Variants in SLC7A14 observed in about 807,000 individuals in gnomAD.
The protein encoded by SLC7A14 is gamma-aminobutyric acid transporter SLC7A14.
Under a neutral mutation model 60.2 loss-of-function variants are expected in SLC7A14, and 37 were observed. The observed-to-expected ratio is 0.61, with a 90% CI of 0.47 to 0.81. The LOEUF is 0.81. SLC7A14 is among the 30% of genes least tolerant of loss of function. The pLI, the probability that SLC7A14 is intolerant of heterozygous loss-of-function variation, is 0.00. For missense variants in SLC7A14, 886 were observed against 982.7 expected (o/e 0.90, Z 1.32); for synonymous variants, 399 against 395.8 (o/e 1.01, Z -0.10).
intron 2 of SLC7A14, among the ~76,000 whole-genome samples, chr3:170,513,303 T>C (rs557231003): frequency 6.6e-6 from 1 of 152,334 alleles, no homozygotes; most frequent in African/African-American, 2.4e-5. Context: ...AAGGAGCAGG[T>C]GTTTGTATCT....
At chr3:170,576,160 T>G (rs1463447206) in intron 1 of SLC7A14, among the ~76,000 whole-genome samples, 1 of 152,242 alleles carries the variant, frequency 6.6e-6, no homozygotes, top group Non-Finnish European at 1.5e-5. Flanking sequence ...CCTTGGAGGC[T>G]CCCTCATAAT....
chr3:170,544,996 A>C (rs948878518), intron 1 of SLC7A14, among the ~76,000 whole-genome samples: 2 of 152,252 alleles, frequency 1.3e-5, no homozygotes, highest in African/African-American at 4.8e-5. Context: ...GCTATTGAAC[A>C]CTTGAAATGT....
chr3:170,521,920 C>CA lies in SLC7A14; in HGVS notation c.304+4712dup, dbSNP rs1204658205. On this transcript the variant is annotated intron_variant, in intron 2 of 7. Coordinates refer to ENST00000231706, the MANE Select transcript of SLC7A14 (RefSeq NM_020949.3). ...TGGGAGACAGAGCAAGACTCCATCT[C>CA]AAAAAAAAAAGAAAAAGGTGGGGGG... is the stretch of plus-strand genomic sequence containing the variant. Among the ~76,000 whole-genome samples, 249 of 140,116 alleles carry CA rather than the reference C, an allele frequency of 1.8e-3. 1 individual carries two copies. The highest frequency in any genetic ancestry group is 5.2e-3 in the African/African-American group (197 of 37,786). 91.9% of individuals were successfully genotyped at this position (140,116 alleles called of 152,430 possible). A position where few individuals can be genotyped will look rare whatever the true frequency, so the allele number is the denominator to read the frequency against.
chr3:170,470,307 C>CGTGT (rs1553864040), intron 7 of SLC7A14, among the ~76,000 whole-genome samples: 8 of 39,904 alleles, frequency 2.0e-4, no homozygotes, highest in Admixed American at 5.9e-4. Flanking sequence ...CTGGAAGGAA[C>CGTGT]ATGTGTGTGT....
At chr3:170,502,676 T>C (rs1435271591) in intron 2 of SLC7A14, 1 of 152,216 alleles carries the variant, frequency 6.6e-6, no homozygotes, top group African/African-American at 2.4e-5. Flanking sequence ...GTTCACTCTT[T>C]TGTGAATAAA....
chr3:170,568,632 C>T lies in SLC7A14; in HGVS notation c.-153+17279G>A, dbSNP rs188951205. ...GCCATTTTCACGATATTAATTCTTT[C>T]TACCCATGAGCATGGAATGTTCTTC... On this transcript the variant is annotated intron_variant, in intron 1 of 7. Transcript: ENST00000231706. Among the ~76,000 whole-genome samples the T allele has an allele frequency of 2.8e-3, 421 of 152,318 alleles. 2 individuals carry two copies. Among genetic ancestry groups the T allele is most frequent in the African/African-American group, 8.9e-3 (370 of 41,560 alleles).
intron 7 of SLC7A14, among the ~76,000 whole-genome samples, chr3:170,468,357 G>A (rs970879407): frequency 1.3e-5 from 2 of 151,896 alleles, no homozygotes; most frequent in African/African-American, 4.8e-5. Flanking sequence ...GAGTGCAGTG[G>A]CATGATCTCG....
chr3:170,533,115 G>A (rs1713728175), intron 1 of SLC7A14, among the ~76,000 whole-genome samples: 1 of 152,130 alleles, frequency 6.6e-6, no homozygotes, highest in East Asian at 1.9e-4. Flanking sequence ...GCTTACTCTG[G>A]CTCACTCAGC....
chr3:170,460,712 C>T lies in SLC7A14; in HGVS notation c.*6343G>A, dbSNP rs1286019273. ...AAAAAAAAAAAGCACAGAGTGAGTT[C>T]CTACCATAAAAATCCAGGCTGCCCC... is the stretch of plus-strand genomic sequence containing the variant. On this transcript the variant is annotated 3_prime_UTR_variant, in exon 8 of 8. Coordinates refer to ENST00000231706, the MANE Select transcript of SLC7A14 (RefSeq NM_020949.3). 6.6e-6 allele frequency: 1 copy of T among 151,872 alleles called. No homozygotes were observed. The highest frequency in any genetic ancestry group is 1.5e-5 in the Non-Finnish European group (1 of 67,990). 9.4% of individuals were successfully genotyped at this position (151,872 alleles called of 1,614,324 possible). A position where few individuals can be genotyped will look rare whatever the true frequency, so the allele number is the denominator to read the frequency against.
chr3:170,526,486 T>G, intron 2 of SLC7A14, 147 bp downstream of exon 2: 2 of 930,096 alleles, frequency 2.2e-6, no homozygotes, highest in Non-Finnish European at 1.6e-6. Context: ...CTAACCTCCC[T>G]GGCAGTCAAG....
intron 2 of SLC7A14, among the ~76,000 whole-genome samples, chr3:170,512,366 T>C (rs928072741): frequency 5.3e-5 from 8 of 152,126 alleles, no homozygotes; most frequent in Non-Finnish European, 1.0e-4. Flanking sequence ...GCACCCATTC[T>C]CTCTGGGGGG....
chr3:170,520,770 T>C (rs1713317978), intron 2 of SLC7A14, among the ~76,000 whole-genome samples: 3 of 152,168 alleles, frequency 2.0e-5, no homozygotes, highest in Admixed American at 2.0e-4. Context: ...TTTAATAATG[T>C]TAAAAGAGGA....
intron 2 of SLC7A14, among the ~76,000 whole-genome samples, chr3:170,521,631 A>T (rs1713341046): frequency 1.3e-5 from 2 of 152,230 alleles, no homozygotes; most frequent in African/African-American, 4.8e-5. Flanking sequence ...CTAATTACAA[A>T]ATGGGCAAAA....
In SLC7A14 at chr3:170,466,784, T is replaced by C. The variant is rs1158813703; in HGVS notation, c.*271A>G. On this transcript the variant is annotated 3_prime_UTR_variant, in exon 8 of 8. Coordinates refer to ENST00000231706, the MANE Select transcript of SLC7A14 (RefSeq NM_020949.3). ...AGGAAACATTTGGTACCATCAGCTCTGGTGGTTGCACCTAAGATGGAATTT... is the reference window on the plus strand; with the variant it reads ...AGGAAACATTTGGTACCATCAGCTCCGGTGGTTGCACCTAAGATGGAATTT... 1 of 366,860 alleles carries C rather than the reference T, an allele frequency of 2.7e-6. No individual in the cohort carries two copies. The highest frequency in any genetic ancestry group is 4.9e-6 in the Non-Finnish European group (1 of 203,584). The allele number at this position is 366,860 out of a possible 1,614,324, so 22.7% of individuals were successfully genotyped here.
intron 1 of SLC7A14, among the ~76,000 whole-genome samples, chr3:170,579,436 A>T (rs1577577650): frequency 1.3e-5 from 2 of 152,294 alleles, no homozygotes; most frequent in East Asian, 1.9e-4. Flanking sequence ...ACATGGAAAA[A>T]TTTTTTTAAA....
chr3:170,576,852 A>G (rs62294668), intron 1 of SLC7A14, among the ~76,000 whole-genome samples: 22,960 of 152,132 alleles, frequency 0.15, 1,777 homozygotes, highest in East Asian at 0.21. Context: ...ATCTGTGACA[A>G]TATAAAATAC....
At chr3:170,525,814 C>T (rs186097724) in intron 2 of SLC7A14, among the ~76,000 whole-genome samples, 1 of 152,130 alleles carries the variant, frequency 6.6e-6, no homozygotes, top group African/African-American at 2.4e-5. Flanking sequence ...CAGCACTTGC[C>T]GCGGCCGAGG....
chr3:170,537,691 T>G (rs945757782), intron 1 of SLC7A14, among the ~76,000 whole-genome samples: 1 of 152,186 alleles, frequency 6.6e-6, no homozygotes, highest in African/African-American at 2.4e-5. Context: ...AGAATACTCA[T>G]GGTAGAGTCA....
chr3:170,576,700 A>G (rs1715100838), intron 1 of SLC7A14, among the ~76,000 whole-genome samples: 1 of 152,106 alleles, frequency 6.6e-6, no homozygotes, highest in African/African-American at 2.4e-5. Context: ...TTAGAGCGGT[A>G]TTTTTCAGTG....
Sources: allele counts gnomAD v4.1 joint callset (sites outside exome capture counted in the v4.1 genomes callset), GRCh38; gene constraint gnomAD v4.1.1; transcripts MANE v1.5; gene names NCBI Gene and HGNC (gene_info 2026-07-23, HGNC 2026-07-21).